Variants in NFX1 observed in about 807,000 individuals in gnomAD.
NFX1 encodes nuclear transcription factor, X-box binding 1.
A neutral mutation model predicts 137.2 loss-of-function variants in NFX1; 69 were observed. The ratio of observed to expected loss-of-function variants is 0.50; its 90% CI spans 0.41 to 0.61. The LOEUF is 0.61. Among genes scored for constraint, NFX1 ranks in the 20% least tolerant of loss-of-function variants. The pLI is 0.00. For missense variants in NFX1, 1,167 were observed against 1,391.0 expected (o/e 0.84, Z 2.56); for synonymous variants, 495 against 474.1 (o/e 1.04, Z -0.57).
At chr9:33,360,997 T>A (rs1386158584) in intron 19 of NFX1, among the ~76,000 whole-genome samples, 1 of 152,210 alleles carries the variant, frequency 6.6e-6, no homozygotes, top group Non-Finnish European at 1.5e-5. Flanking sequence ...CAGACACTGA[T>A]GGCTAGGGCA....
chr9:33,351,760 AC>A lies in NFX1; in HGVS notation c.2628del (p.Cys877AlafsTer3). ...PCMAPCHTSS[P>X]CPVTACKAKV... ...GTATGGCACCCTGCCATACCAGCTC[AC>A]CCTGCCCTGTGACTGCTTGTAAAGC... On this transcript the variant is annotated frameshift_variant, in exon 16 of 24. Transcript: ENST00000379540. LOFTEE classifies it high-confidence loss of function. The A allele has an allele frequency of 3.7e-6, 6 of 1,600,090 alleles. No individual in the cohort carries two copies. In the South Asian group the frequency reaches 6.8e-5, roughly 18 times the overall value.
chr9:33,360,770 C>T (rs1230140373), intron 19 of NFX1, among the ~76,000 whole-genome samples: 1 of 152,152 alleles, frequency 6.6e-6, no homozygotes, highest in African/African-American at 2.4e-5. Flanking sequence ...CTAACCAAAA[C>T]ATCAAAAGAT....
intron 19 of NFX1, among the ~76,000 whole-genome samples, chr9:33,359,585 C>G (rs1823927484): frequency 6.6e-6 from 1 of 151,564 alleles, no homozygotes; most frequent in Non-Finnish European, 1.5e-5. Context: ...GACGATACAG[C>G]AAGACTCAGT....
intron 7 of NFX1, among the ~76,000 whole-genome samples, chr9:33,317,672 A>C (rs1207280176): frequency 6.6e-6 from 1 of 151,758 alleles, no homozygotes; most frequent in Non-Finnish European, 1.5e-5. Context: ...TTAAAAAAAA[A>C]AAAATCTAGA....
At position 33,366,711 on chromosome 9, in the gene NFX1, A is replaced by G. The variant is rs368237285; in HGVS notation, c.3122A>G (p.Tyr1041Cys). Residue 1041 changes from tyrosine to cysteine, a missense_variant, in exon 22 of 24, where the codon TAT becomes TGT. Physicochemically the swap from Tyr to Cys is radical, Grantham distance 194 (BLOSUM62 -2). Around this residue, in one of 3 missense-constraint regions of NFX1, gnomAD observed 312 missense variants for 312.8 expected, o/e 1.00. Transcript: ENST00000379540. Reference protein sequence around the residue: ...RRIIHDLAQVYGLESVSYDSE... With the variant: ...RRIIHDLAQVCGLESVSYDSE... ...ATCATCCATGACTTGGCCCAAGTTT[A>G]TGGCCTGGAGAGCGTGAGCTATGAC... 1 of 1,614,118 alleles carries G rather than the reference A, an allele frequency of 6.2e-7. No homozygotes were observed. Among genetic ancestry groups the G allele is most frequent in the Non-Finnish European group, 8.5e-7 (1 of 1,180,052 alleles).
At chr9:33,302,967 C>CTTTTT (rs35723578) in intron 3 of NFX1, among the ~76,000 whole-genome samples, 1 of 119,306 alleles carries the variant, frequency 8.4e-6, no homozygotes, top group Non-Finnish European at 1.8e-5. Flanking sequence ...CACACCTGGC[C>CTTTTT]TTTTTTTTTT....
intron 7 of NFX1, among the ~76,000 whole-genome samples, chr9:33,317,834 G>A (rs1192834607): frequency 6.6e-6 from 1 of 151,746 alleles, no homozygotes; most frequent in Non-Finnish European, 1.5e-5. Context: ...AAATTAGCTG[G>A]GCGTGGTGGC....
intron 7 of NFX1, among the ~76,000 whole-genome samples, chr9:33,317,828 T>C (rs1438855568): frequency 6.6e-6 from 1 of 151,556 alleles, no homozygotes; most frequent in Non-Finnish European, 1.5e-5. Flanking sequence ...ATACAGAAAT[T>C]AGCTGGGCGT....
At chr9:33,363,905 GATAA>G (rs1288690974) in intron 19 of NFX1, 101 bp from the exon 20 acceptor site, 8 of 619,540 alleles carry the variant, frequency 1.3e-5, no homozygotes, top group Non-Finnish European at 1.8e-5. Context: ...CCAAAATAGA[GATAA>G]ATAATGTGTA....
intron 15 of NFX1, among the ~76,000 whole-genome samples, chr9:33,350,030 G>A (rs1823578594): frequency 3.3e-5 from 5 of 152,010 alleles, no homozygotes; most frequent in African/African-American, 1.2e-4. Flanking sequence ...CAGGCCAGGC[G>A]TGGTTTCTCA....
In NFX1 at chr9:33,313,802, T is replaced by G; in HGVS notation, c.1588+9T>G. On this transcript the variant is annotated intron_variant, in intron 7 of 23. Transcript: ENST00000379540. The stretch of plus-strand genomic sequence containing the variant: ...GATCATTTTGAACCAGGGTAAGTGG[T>G]GGGCACACCAGCTAGCAATGCTTGT... 1 of 1,610,688 alleles carries G rather than the reference T, an allele frequency of 6.2e-7. No individual in the cohort carries two copies. The highest frequency in any genetic ancestry group is 8.5e-7 in the Non-Finnish European group (1 of 1,177,468).
intron 17 of NFX1, among the ~76,000 whole-genome samples, chr9:33,353,030 A>G (rs531234975): frequency 7.0e-4 from 106 of 152,280 alleles, no homozygotes; most frequent in African/African-American, 2.4e-3. Flanking sequence ...GGCGTGAGCC[A>G]CTACACCTGG....
At chr9:33,364,655 G>A (rs749349994) in intron 20 of NFX1, 53 bp from the exon 21 acceptor site, 107 of 1,580,892 alleles carry the variant, frequency 6.8e-5, no homozygotes, top group Non-Finnish European at 9.0e-5. Context: ...GGGTGAAAGG[G>A]GTTCTCAGAA....
intron 9 of NFX1, among the ~76,000 whole-genome samples, chr9:33,328,024 G>C (rs1471190730): frequency 3.3e-5 from 5 of 152,052 alleles, no homozygotes; most frequent in African/African-American, 4.8e-5. Flanking sequence ...TTTGTTATTT[G>C]TTTTGAAACA....
chr9:33,356,352 T>C (rs1823809591), intron 19 of NFX1, among the ~76,000 whole-genome samples: 1 of 152,228 alleles, frequency 6.6e-6, no homozygotes, highest in Non-Finnish European at 1.5e-5. Context: ...GAATTCTTTA[T>C]GTATTCTGAA....
At chr9:33,325,528 G>T (rs778018873) in intron 9 of NFX1, among the ~76,000 whole-genome samples, 1 of 152,162 alleles carries the variant, frequency 6.6e-6, no homozygotes, top group African/African-American at 2.4e-5. Context: ...GCCGGGCATG[G>T]TGGCGGGCAC....
At chr9:33,345,150 A>G (rs1160871034) in intron 14 of NFX1, among the ~76,000 whole-genome samples, 1 of 149,340 alleles carries the variant, frequency 6.7e-6, no homozygotes, top group Non-Finnish European at 1.5e-5. Context: ...CAACAGAGTG[A>G]GACTCCATCT....
chr9:33,303,065 A>G (rs915070382), intron 3 of NFX1, 126 bp from the exon 4 acceptor site: 2 of 603,118 alleles, frequency 3.3e-6, no homozygotes, highest in African/African-American at 3.9e-5. Context: ...TAAATGTCTG[A>G]TATGCTTAAC....
intron 19 of NFX1, 37 bp downstream of exon 19, chr9:33,354,929 C>G (rs1470332111): frequency 1.2e-6 from 2 of 1,609,216 alleles, no homozygotes; most frequent in Non-Finnish European, 1.7e-6. Flanking sequence ...TCTCCTTGCC[C>G]TTGAGCTCTG....
Sources: allele counts gnomAD v4.1 joint callset (sites outside exome capture counted in the v4.1 genomes callset), GRCh38; gene constraint gnomAD v4.1.1; regional missense constraint gnomAD v4.1.1; transcripts MANE v1.5; gene names NCBI Gene and HGNC (gene_info 2026-07-23, HGNC 2026-07-21).